STK31: variants seen among roughly 807,000 people sequenced by gnomAD.
STK31 encodes serine/threonine-protein kinase 31.
A neutral mutation model predicts 129.7 loss-of-function variants in STK31; 89 were observed. The ratio of observed to expected loss-of-function variants is 0.69; its 90% confidence interval spans 0.58 to 0.82. The LOEUF (loss-of-function observed/expected upper bound fraction) is 0.82. Among genes scored for constraint, STK31 ranks in the 40% least tolerant of loss-of-function variants. The pLI is 0.00. For synonymous variants in STK31, 448 were observed against 395.3 expected (o/e 1.13, Z -1.58); for missense variants, 1,187 against 1,176.4 (o/e 1.01, Z -0.13).
intron 23 of STK31, among the ~76,000 whole-genome samples, chr7:23,828,110 C>T (rs1794292646): frequency 1.3e-5 from 2 of 152,222 alleles, no homozygotes; most frequent in South Asian, 4.1e-4. Context: ...AACCACTACT[C>T]TCTTCAAAGC....
Position 23,785,499 on chromosome 7 carries a change from A to C in STK31, c.2170A>C (p.Met724Leu). 1 of 1,613,884 alleles carries C rather than the reference A, an allele frequency of 6.2e-7. No individual in the cohort carries two copies. The highest frequency in any genetic ancestry group is 8.5e-7 in the Non-Finnish European group (1 of 1,179,834). ...CTAGAACTCTGGTGGTCTCCTTACA[A>C]TGAGCTTGGAACGAGATCTTCTTGA... ...KYMNSGGLLT[M>L]SLERDLLDAE... Residue 724 changes from methionine to leucine, a missense_variant, in exon 18 of 24, where the codon ATG becomes CTG. By Grantham distance (15) the Met-to-Leu change is conservative. This residue lies in a region of STK31 where 975 missense variants were observed against 934.9 expected (regional missense o/e 1.04). Transcript: ENST00000355870.
chr7:23,808,521 G>A (rs572636882), intron 22 of STK31, among the ~76,000 whole-genome samples: 16 of 152,146 alleles, frequency 1.1e-4, no homozygotes, highest in East Asian at 3.9e-4. Flanking sequence ...ATGCTGACTC[G>A]TACTACTTCA....
At position 23,810,645 on chromosome 7, in the gene STK31, A is replaced by C. The variant is rs192976557; in HGVS notation, c.2761-4499A>C. ...TATATATAATAGATATAAAATATATAAATTATATATATAAAAATATATAAT... is the reference window on the plus strand; with the variant it reads ...TATATATAATAGATATAAAATATATCAATTATATATATAAAAATATATAAT... On this transcript the variant is annotated intron_variant, in intron 22 of 23. Coordinates refer to ENST00000355870, the MANE Select transcript of STK31 (RefSeq NM_031414.5). Among the ~76,000 whole-genome samples, 782 of 136,936 alleles carry C rather than the reference A, an allele frequency of 5.7e-3. 10 individuals are homozygous for C. The highest frequency in any genetic ancestry group is 0.02 in the East Asian group (99 of 5,014). 89.8% of individuals were successfully genotyped at this position (136,936 alleles called of 152,430 possible). A position where few individuals can be genotyped will look rare whatever the true frequency, so the allele number is the denominator to read the frequency against.
At position 23,756,317 on chromosome 7, in the gene STK31, G is replaced by T. The variant is rs1048392802; in HGVS notation, c.1293+1843G>T. Among the ~76,000 whole-genome samples, 15 of 152,130 alleles carry T rather than the reference G, an allele frequency of 9.9e-5. 2 individuals are homozygous for T. Among genetic ancestry groups the T allele is most frequent in the Admixed American group, 8.5e-4 (13 of 15,270 alleles). On this transcript the variant is annotated intron_variant, in intron 10 of 23. Coordinates refer to ENST00000355870, the MANE Select transcript of STK31 (RefSeq NM_031414.5). ...TTGCTTGCCTCTTGTTGGTGTGTAG[G>T]AATGCTTGTGATTTTTGCACATTTA...
intron 15 of STK31, among the ~76,000 whole-genome samples, chr7:23,774,162 T>C (rs908069571): frequency 1.3e-5 from 2 of 152,228 alleles, no homozygotes; most frequent in Admixed American, 1.3e-4. Context: ...GTGCCACATA[T>C]TCTTAATCCA....
At chr7:23,814,715 A>G (rs1793361644) in intron 22 of STK31, among the ~76,000 whole-genome samples, 2 of 151,758 alleles carry the variant, frequency 1.3e-5, no homozygotes, top group South Asian at 2.1e-4. Flanking sequence ...AATTTAATTA[A>G]TTTATTTTTT....
intron 8 of STK31, among the ~76,000 whole-genome samples, chr7:23,742,952 CTTTTTTTTTT>C (rs56363240): frequency 8.7e-6 from 1 of 115,570 alleles, no homozygotes; most frequent in Non-Finnish European, 1.9e-5. Context: ...GGGTTTTATA[CTTTTTTTTTT>C]TTTTTTTTGA....
At chr7:23,824,754 T>A (rs915028973) in intron 23 of STK31, among the ~76,000 whole-genome samples, 2 of 152,120 alleles carry the variant, frequency 1.3e-5, no homozygotes, top group African/African-American at 4.8e-5. Context: ...TACCTCTTAT[T>A]ATTTTAAGAT....
intron 8 of STK31, among the ~76,000 whole-genome samples, chr7:23,751,973 G>C (rs1788740969): frequency 6.6e-6 from 1 of 151,940 alleles, no homozygotes; most frequent in Non-Finnish European, 1.5e-5. Context: ...CTTGGGGGAG[G>C]GGGAGGGGAG....
intron 22 of STK31, among the ~76,000 whole-genome samples, chr7:23,805,160 C>G (rs773192056): frequency 6.6e-6 from 1 of 151,866 alleles, no homozygotes; most frequent in Admixed American, 6.6e-5. Flanking sequence ...ACTGCAACCT[C>G]TGCCTCCTAG....
chr7:23,777,129 G>C (rs973004596), intron 15 of STK31, among the ~76,000 whole-genome samples: 2 of 152,168 alleles, frequency 1.3e-5, no homozygotes, highest in African/African-American at 4.8e-5. Context: ...TAGTTGTGTG[G>C]TTTTCAGAGA....
At chr7:23,827,382 A>G (rs529390413) in intron 23 of STK31, among the ~76,000 whole-genome samples, 4 of 151,762 alleles carry the variant, frequency 2.6e-5, no homozygotes, top group African/African-American at 9.7e-5. Flanking sequence ...CTTCCAGTTG[A>G]TCGCGTCGGT....
At chr7:23,710,433 C>A in intron 1 of STK31, 98 bp downstream of exon 1, 1 of 1,591,738 alleles carries the variant, frequency 6.3e-7, no homozygotes, top group Non-Finnish European at 8.5e-7. Context: ...GGACGAGGCC[C>A]ATTTCAGGGT....
intron 23 of STK31, among the ~76,000 whole-genome samples, chr7:23,825,288 T>G (rs1345713211): frequency 6.6e-6 from 1 of 152,226 alleles, no homozygotes; most frequent in Non-Finnish European, 1.5e-5. Context: ...CTGTTATTGG[T>G]CTATTCAGAG....
chr7:23,831,272 T>A (rs1794529450), intron 23 of STK31, among the ~76,000 whole-genome samples: 1 of 152,212 alleles, frequency 6.6e-6, no homozygotes, highest in South Asian at 2.1e-4. Context: ...TTGATTTATA[T>A]ATCTGGGTGC....
intron 10 of STK31, among the ~76,000 whole-genome samples, chr7:23,754,729 T>C (rs551790414): frequency 6.6e-6 from 1 of 152,328 alleles, no homozygotes; most frequent in East Asian, 1.9e-4. Context: ...AACTCCCACT[T>C]ACGAGTGAGA....
In STK31 at chr7:23,747,801, T is replaced by C. The variant is rs1788451422; in HGVS notation, c.1018-4916T>C. On this transcript the variant is annotated intron_variant, in intron 8 of 23. Transcript: ENST00000355870. ...TAAGTTTTAATTTCCATTGGATCTG[T>C]ACTGATGCCCTCTCTTTCATTTCTG... Among the ~76,000 whole-genome samples, 2 of 152,218 alleles carry C rather than the reference T, an allele frequency of 1.3e-5. 1 individual carries two copies. The highest frequency in any genetic ancestry group is 4.1e-4 in the South Asian group (2 of 4,834).
Position 23,710,271 on chromosome 7 carries a change from G to A in STK31, c.-15G>A, listed in dbSNP as rs752114736. ...TGCACGTGTGCTACGGCGGGCGGAG[G>A]GCCGAAAGTCCAGTATGTGGGTCCA... On this transcript the variant is annotated 5_prime_UTR_variant, in exon 1 of 24. Transcript: ENST00000355870. The A allele has an allele frequency of 6.2e-7, 1 of 1,611,552 alleles. No individual in the cohort carries two copies. Among genetic ancestry groups the A allele is most frequent in the South Asian group, 1.1e-5 (1 of 90,226 alleles).
At chr7:23,824,061 G>GC (rs1423432173) in intron 23 of STK31, among the ~76,000 whole-genome samples, 16 of 152,282 alleles carry the variant, frequency 1.1e-4, no homozygotes, top group Admixed American at 5.2e-4. Flanking sequence ...TTTTGGCTTA[G>GC]GATTGACTTG....
Sources: gnomAD v4.1 joint callset for allele counts (sites outside exome capture counted in the v4.1 genomes callset) on GRCh38, gnomAD v4.1.1 for gene constraint, gnomAD v4.1.1 regional missense constraint, MANE v1.5 for transcripts, NCBI Gene and HGNC (gene_info 2026-07-23, HGNC 2026-07-21) for gene names.